MATN3: variants seen among roughly 807,000 people sequenced by gnomAD.
The protein encoded by MATN3 is matrilin 3, also known as matrilin-3.
Under a neutral mutation model 45.3 loss-of-function variants are expected in MATN3, and 48 were observed. The ratio of observed to expected loss-of-function variants is 1.06; its 90% CI spans 0.84 to 1.35. The LOEUF is 1.35. Ranked by LOEUF, MATN3 falls within the 40% of genes most tolerant of loss-of-function variation. The pLI is 0.00. For missense variants in MATN3, 599 were observed against 628.0 expected (o/e 0.95, Z 0.49); for synonymous variants, 217 against 245.9 (o/e 0.88, Z 1.10).
chr2:20,004,644 G>A (rs1161746141), intron 2 of MATN3, among the ~76,000 whole-genome samples: 2 of 152,102 alleles, frequency 1.3e-5, no homozygotes, highest in Non-Finnish European at 2.9e-5. Flanking sequence ...CATTAACCTA[G>A]ATTAAAAGTC....
intron 1 of MATN3, among the ~76,000 whole-genome samples, chr2:20,006,979 AG>A (rs1354547835): frequency 6.6e-6 from 1 of 152,154 alleles, no homozygotes; most frequent in African/African-American, 2.4e-5. Flanking sequence ...GCACTTTGGG[AG>A]GCCAAGGCGG....
Position 20,000,476 on chromosome 2 carries a change from C to T in MATN3, c.1133G>A (p.Gly378Asp). ...TTTTTTATCTGCATTCAGAGTGTAG[C>T]CCTCATAGCATTCACAATGATGGGA... ...TGSHHCECYE[G>D]YTLNADKKTC... Residue 378 changes from glycine (G) to aspartate (D), a missense_variant, in exon 5 of 8, where the codon GGC becomes GAC. Physicochemically the swap from Gly to Asp is moderately conservative, Grantham distance 94. Transcript: ENST00000407540. 1 of 1,611,998 alleles carries T rather than the reference C, an allele frequency of 6.2e-7. No individual in the cohort carries two copies. Among genetic ancestry groups the T allele is most frequent in the African/African-American group, 1.3e-5 (1 of 74,938 alleles).
chr2:19,999,432 C>A (rs1050339755), intron 5 of MATN3, among the ~76,000 whole-genome samples: 3 of 152,018 alleles, frequency 2.0e-5, no homozygotes, highest in African/African-American at 7.2e-5. Context: ...CCCACCTCCC[C>A]AGCCTCTACA....
intron 6 of MATN3, 125 bp from the exon 7 acceptor site, chr2:19,994,534 G>A: frequency 4.8e-6 from 3 of 620,466 alleles, no homozygotes; most frequent in East Asian, 3.1e-5. Flanking sequence ...TTTTCCAAGA[G>A]GTAAAGGGAT....
At chr2:20,002,579 T>C (rs1324392232) in intron 3 of MATN3, among the ~76,000 whole-genome samples, 1 of 152,142 alleles carries the variant, frequency 6.6e-6, no homozygotes. Flanking sequence ...CTAAGAATCT[T>C]GGACCCGTTT....
At chr2:20,009,985 C>T (rs547348942) in intron 1 of MATN3, among the ~76,000 whole-genome samples, 2 of 145,188 alleles carry the variant, frequency 1.4e-5, no homozygotes, top group East Asian at 4.2e-4. Context: ...CCATCTTGAG[C>T]ACATGTACTC....
At chr2:20,003,314 C>A in intron 2 of MATN3, 28 bp from the exon 3 acceptor site, 1 of 1,575,490 alleles carries the variant, frequency 6.3e-7, no homozygotes, top group Admixed American at 1.7e-5. Context: ...CAACAGTCAG[C>A]ACTGACACTT....
chr2:19,994,040 T>C (rs1441506349), intron 7 of MATN3, among the ~76,000 whole-genome samples: 1 of 152,176 alleles, frequency 6.6e-6, no homozygotes, highest in Admixed American at 6.5e-5. Context: ...TGTAAGAGCA[T>C]CATTAGGAGC....
Position 20,012,466 on chromosome 2 carries a change from C to A in MATN3, c.166G>T (p.Ala56Ser), listed in dbSNP as rs886794654. ...CCGGAAGCGGGCGCGCCGTCGGGAGCCGCAGGAGAGGGGCGGCGTCCAGGG... is the reference window on the plus strand; with the variant it reads ...CCGGAAGCGGGCGCGCCGTCGGGAGACGCAGGAGAGGGGCGGCGTCCAGGG... ...GSPGRRPSPA[A>S]PDGAPASGTS... is the part of the protein sequence containing the mutation. The change falls in exon 1 of 8, where the codon GCT becomes TCT. Residue 56 changes from alanine (A) to serine (S), a missense_variant. Coordinates refer to ENST00000407540, the MANE Select transcript of MATN3 (RefSeq NM_002381.5). This position sits in a 1 kb window ranked among gnomAD's most constrained non-coding sequence, Gnocchi z 4.3. The A allele has an allele frequency of 8.9e-6, 11 of 1,229,236 alleles. No homozygotes were observed. The highest frequency in any genetic ancestry group is 1.1e-5 in the Non-Finnish European group (11 of 986,434). The allele number at this position is 1,229,236 out of a possible 1,614,324, so 76.1% of individuals were successfully genotyped here. A position where few individuals can be genotyped will look rare whatever the true frequency, so the allele number is the denominator to read the frequency against.
At chr2:20,010,698 C>T (rs951781276) in intron 1 of MATN3, among the ~76,000 whole-genome samples, 1 of 152,202 alleles carries the variant, frequency 6.6e-6, no homozygotes, top group African/African-American at 2.4e-5. Context: ...TCCCCTAGAG[C>T]CTCCCAAAAG....
At position 20,012,414 on chromosome 2, in the gene MATN3, C is replaced by T. The variant is rs1673235539; in HGVS notation, c.218G>A (p.Gly73Asp). 2 of 1,229,288 alleles carry T rather than the reference C, an allele frequency of 1.6e-6. No homozygotes were observed. The highest frequency in any genetic ancestry group is 1.6e-5 in the African/African-American group (1 of 64,278). The allele number at this position is 1,229,288 out of a possible 1,614,324, so 76.1% of individuals were successfully genotyped here. The change falls in exon 1 of 8, where the codon GGT (glycine) becomes GAT (aspartate). Residue 73 changes from glycine (G) to aspartate (D), a missense_variant. Gly to Asp is a moderately conservative substitution (Grantham distance 94). Coordinates refer to ENST00000407540, the MANE Select transcript of MATN3 (RefSeq NM_002381.5). This position sits in a 1 kb window ranked among gnomAD's most constrained non-coding sequence, Gnocchi z 4.3. The part of the protein sequence containing the change: ...SGTSEPGRAR[G>D]AGVCKSRPLD... ...CTCCCGCCGCCCGCCTGTACCTGCA[C>T]CGCGGGCGCGGCCAGGCTCGCTGGT...
In MATN3 at chr2:20,000,566, G is replaced by C; in HGVS notation, c.1043C>G (p.Ala348Gly). 6.2e-7 allele frequency: 1 copy of C among 1,605,892 alleles called. No homozygotes were observed. Among genetic ancestry groups the C allele is most frequent in the Non-Finnish European group, 8.5e-7 (1 of 1,177,502 alleles). ...TLNEDRKTCS[A>G]QDKCALGTHG... ...GGTACCCAAAGCACATTTATCTTGAGCTGTGAAACAAAAAGTCAGGAGAAA... is the reference window on the plus strand; with the variant it reads ...GGTACCCAAAGCACATTTATCTTGACCTGTGAAACAAAAAGTCAGGAGAAA... The change falls in exon 5 of 8, where the codon GCT (alanine) becomes GGT (glycine). Residue 348 changes from alanine (A) to glycine (G), a missense_variant and splice_region_variant. Transcript: ENST00000407540.
chr2:19,995,743 A>G lies in MATN3; in HGVS notation c.1295-1334T>C, dbSNP rs78908919. On this transcript the variant is annotated intron_variant, in intron 6 of 7. Coordinates refer to ENST00000407540, the MANE Select transcript of MATN3 (RefSeq NM_002381.5). This position sits in a 1 kb window ranked among gnomAD's most constrained non-coding sequence, Gnocchi z 4.2. Reference sequence around the variant, plus strand: ...ACTTCCCAGGTCTGAAGACTGGTGTATCATCTTCCAATGGAGTAATTCTAT... The same window carrying G: ...ACTTCCCAGGTCTGAAGACTGGTGTGTCATCTTCCAATGGAGTAATTCTAT... Among the ~76,000 whole-genome samples, 3,141 of 152,324 alleles carry G rather than the reference A, an allele frequency of 0.021. 102 individuals carry two copies. Among genetic ancestry groups the G allele is most frequent in the African/African-American group, 0.07 (2,924 of 41,558 alleles).
Position 20,012,377 on chromosome 2 carries a change from G to T in MATN3, c.223+32C>A. 1.6e-6 allele frequency: 2 copies of T among 1,221,436 alleles called. No homozygotes were observed. The highest frequency in any genetic ancestry group is 2.0e-6 in the Non-Finnish European group (2 of 979,822). 75.7% of individuals were successfully genotyped at this position (1,221,436 alleles called of 1,614,324 possible). A position where few individuals can be genotyped will look rare whatever the true frequency, so the allele number is the denominator to read the frequency against. On this transcript the variant is annotated intron_variant, in intron 1 of 7. Coordinates refer to ENST00000407540, the MANE Select transcript of MATN3 (RefSeq NM_002381.5). This position sits in a 1 kb window ranked among gnomAD's most constrained non-coding sequence, Gnocchi z 4.3. ...TGCCCTGGGCTTCTCCTCGTTCGAT[G>T]CTCACGCGTCCCTCCCGCCGCCCGC...
In MATN3 at chr2:20,003,274, CAG is replaced by C. The variant is rs747439712; in HGVS notation, c.801_802del (p.Val269AlafsTer13). The C allele has an allele frequency of 5.0e-6, 8 of 1,613,400 alleles. No individual in the cohort carries two copies. Among genetic ancestry groups the C allele is most frequent in the African/African-American group, 2.7e-5 (2 of 74,920 alleles). ...CTGGCACTGGTGTGTTCCAAGCACACAGGGGTCCAGCGCTGTGAGAGGAAGTT... is the reference window on the plus strand; with the variant it reads ...CTGGCACTGGTGTGTTCCAAGCACACGGGTCCAGCGCTGTGAGAGGAAGTT... On this transcript the variant is annotated frameshift_variant, in exon 3 of 8. Coordinates refer to ENST00000407540, the MANE Select transcript of MATN3 (RefSeq NM_002381.5). LOFTEE classifies it high-confidence loss of function.
chr2:20,002,191 C>CACACACAGAGAG (rs147407955), intron 3 of MATN3, 111 bp from the exon 4 acceptor site: 26 of 758,114 alleles, frequency 3.4e-5, no homozygotes, highest in Non-Finnish European at 4.7e-5. Flanking sequence ...CACACACACA[C>CACACACAGAGAG]AGAGCTAATG....
chr2:20,005,049 T>G (rs1162342853), intron 2 of MATN3, among the ~76,000 whole-genome samples: 1 of 152,196 alleles, frequency 6.6e-6, no homozygotes, highest in Non-Finnish European at 1.5e-5. Flanking sequence ...AGCATGTCCT[T>G]ATTCAAATTC....
At chr2:20,002,767 T>A (rs1046824709) in intron 3 of MATN3, among the ~76,000 whole-genome samples, 5 of 151,764 alleles carry the variant, frequency 3.3e-5, no homozygotes, top group African/African-American at 1.2e-4. Flanking sequence ...ACCTGGCTTT[T>A]TTTTTTAAAT....
chr2:19,997,740 G>A (rs577645399), intron 5 of MATN3: 3 of 152,446 alleles, frequency 2.0e-5, no homozygotes, highest in African/African-American at 7.3e-5. Context: ...CTTACAAAGT[G>A]TAACAGAAAA....
Sources: gnomAD v4.1 joint callset for allele counts (sites outside exome capture counted in the v4.1 genomes callset) on GRCh38, gnomAD v4.1.1 for gene constraint, Gnocchi (gnomAD v3.1) non-coding constraint, MANE v1.5 for transcripts, NCBI Gene and HGNC (gene_info 2026-07-23, HGNC 2026-07-21) for gene names.